SLC22A23: variants seen among roughly 807,000 people sequenced by gnomAD.
The protein encoded by SLC22A23 is ion transporter protein.
In SLC22A23, 26 loss-of-function variants were observed where a neutral mutation model predicts 61.0. The observed-to-expected ratio is 0.43, with a 90% CI of 0.31 to 0.59. SLC22A23 has a LOEUF of 0.59. SLC22A23 is among the 20% of genes least tolerant of loss of function. The pLI is 0.11. For synonymous variants in SLC22A23, 430 were observed against 413.9 expected (o/e 1.04, Z -0.47); for missense variants, 796 against 934.7 (o/e 0.85, Z 1.94).
At chr6:3,370,049 G>T (rs928663391) in intron 3 of SLC22A23, among the ~76,000 whole-genome samples, 1 of 152,166 alleles carries the variant, frequency 6.6e-6, no homozygotes, top group Non-Finnish European at 1.5e-5. Context: ...AATTTTATCA[G>T]GATGACTATA....
chr6:3,385,168 G>A (rs1310979429), intron 3 of SLC22A23, among the ~76,000 whole-genome samples: 1 of 152,138 alleles, frequency 6.6e-6, no homozygotes, highest in East Asian at 1.9e-4. Context: ...ATGGTGGTGA[G>A]GGGTGCCCTA....
chr6:3,290,342 T>G (rs979982709), intron 5 of SLC22A23: 7 of 219,580 alleles, frequency 3.2e-5, no homozygotes, highest in East Asian at 2.5e-4. Flanking sequence ...CAGATATGCT[T>G]CTTAGCCTTG....
At chr6:3,373,005 C>T (rs759114411) in intron 3 of SLC22A23, among the ~76,000 whole-genome samples, 3 of 152,162 alleles carry the variant, frequency 2.0e-5, no homozygotes, top group Admixed American at 6.5e-5. Context: ...GGCCTGCCTG[C>T]GAGGCTGGTT....
intron 3 of SLC22A23, among the ~76,000 whole-genome samples, chr6:3,397,361 G>C (rs1388865890): frequency 6.6e-6 from 1 of 152,190 alleles, no homozygotes; most frequent in Admixed American, 6.5e-5. Context: ...GTCACCTATG[G>C]AGAGTCACAT....
At chr6:3,284,472 G>A (rs761229918) in intron 8 of SLC22A23, among the ~76,000 whole-genome samples, 1 of 152,194 alleles carries the variant, frequency 6.6e-6, no homozygotes, top group Admixed American at 6.5e-5. Context: ...GACCGACCTC[G>A]CGCCAGGACA....
chr6:3,431,470 G>A (rs1770858875), intron 1 of SLC22A23, among the ~76,000 whole-genome samples: 1 of 152,158 alleles, frequency 6.6e-6, no homozygotes, highest in Admixed American at 6.5e-5. Flanking sequence ...TCTATGGGTG[G>A]GCATGAAGTT....
intron 3 of SLC22A23, among the ~76,000 whole-genome samples, chr6:3,370,357 G>T (rs916540002): frequency 6.6e-6 from 1 of 152,392 alleles, no homozygotes; most frequent in South Asian, 2.1e-4. Flanking sequence ...CCGGGGCAGT[G>T]GGGGTGCATG....
In SLC22A23 at chr6:3,329,023, G is replaced by A. The variant is rs1763435654; in HGVS notation, c.914-5021C>T. Among the ~76,000 whole-genome samples, 1 of 152,120 alleles carries A rather than the reference G, an allele frequency of 6.6e-6. No individual in the cohort carries two copies. The highest frequency in any genetic ancestry group is 1.5e-5 in the Non-Finnish European group (1 of 68,024). On this transcript the variant is annotated intron_variant, in intron 3 of 9. Transcript: ENST00000406686. This position sits in a 1 kb window ranked among gnomAD's most constrained non-coding sequence, Gnocchi z 4.8. Reference sequence around the variant, plus strand: ...AGGGACCGTCTGTCAAAACACTGCAGCACCCAGGGAGGAGCCCCAGGGAGC... The same window carrying A: ...AGGGACCGTCTGTCAAAACACTGCAACACCCAGGGAGGAGCCCCAGGGAGC...
rs867353760 is a variant in SLC22A23 at position 3,388,859 on chromosome 6, G to A, written c.913+21329C>T. Among the ~76,000 whole-genome samples, 22 of 152,140 alleles carry A rather than the reference G, an allele frequency of 1.4e-4. 1 individual carries two copies. The highest frequency in any genetic ancestry group is 1.2e-3 in the South Asian group (6 of 4,832). On this transcript the variant is annotated intron_variant, in intron 3 of 9. Transcript: ENST00000406686. ...TGATGCTACTTATAAGGTACCTAGC[G>A]TTGTCAAATTCAAAGAGACAGACAG... is the stretch of plus-strand genomic sequence containing the variant.
chr6:3,344,409 C>T (rs1009857031), intron 3 of SLC22A23, among the ~76,000 whole-genome samples: 1 of 152,200 alleles, frequency 6.6e-6, no homozygotes, highest in Non-Finnish European at 1.5e-5. Context: ...CCCCTCTTTC[C>T]TTCCCCTTTT....
intron 5 of SLC22A23, among the ~76,000 whole-genome samples, chr6:3,292,865 G>A (rs552347749): frequency 1.3e-5 from 2 of 152,070 alleles, no homozygotes; most frequent in Non-Finnish European, 2.9e-5. Flanking sequence ...CGGGGAGCAC[G>A]TGTCTTCCCG....
chr6:3,290,262 T>TG, intron 5 of SLC22A23: 2 of 309,252 alleles, frequency 6.5e-6, no homozygotes, highest in South Asian at 5.8e-5. Flanking sequence ...AATCTAAACA[T>TG]GCAGTTCTTT....
chr6:3,284,310 A>T lies in SLC22A23; in HGVS notation c.1580-335T>A, dbSNP rs74827432. ...CAGCGACATCCCTCTGCCCTGGCCT[A>T]TGTTTGCTCCAGTCAGGTCTGATGT... On this transcript the variant is annotated intron_variant, in intron 8 of 9. Coordinates refer to ENST00000406686, the MANE Select transcript of SLC22A23 (RefSeq NM_015482.2). Among the ~76,000 whole-genome samples, 415 of 152,012 alleles carry T rather than the reference A, an allele frequency of 2.7e-3. 20 individuals are homozygous for T. The East Asian group carries it at 0.075, about 27-fold the overall frequency.
chr6:3,438,280 C>G (rs1217381313), intron 1 of SLC22A23, among the ~76,000 whole-genome samples: 1 of 152,240 alleles, frequency 6.6e-6, no homozygotes, highest in Non-Finnish European at 1.5e-5. Context: ...GAAGGGGTCA[C>G]TCTGGATACC....
At chr6:3,293,435 G>GGGCCACTC (rs1029901973) in intron 5 of SLC22A23, among the ~76,000 whole-genome samples, 1 of 152,238 alleles carries the variant, frequency 6.6e-6, no homozygotes, top group Non-Finnish European at 1.5e-5. Flanking sequence ...ATTTAGAATG[G>GGGCCACTC]GGCCACTCGG....
At chr6:3,287,520 G>A (rs1042805849) in intron 6 of SLC22A23, among the ~76,000 whole-genome samples, 7 of 152,278 alleles carry the variant, frequency 4.6e-5, no homozygotes, top group Admixed American at 1.3e-4. Flanking sequence ...GGCTCTCGGC[G>A]GGTAAGCGGC....
At chr6:3,453,641 A>ATATT (rs1772256077) in intron 1 of SLC22A23, among the ~76,000 whole-genome samples, 1 of 152,172 alleles carries the variant, frequency 6.6e-6, no homozygotes, top group South Asian at 2.1e-4. Flanking sequence ...AATGGTGCAT[A>ATATT]TATTGTAGGG....
intron 3 of SLC22A23, among the ~76,000 whole-genome samples, chr6:3,409,292 A>G (rs1769047499): frequency 6.6e-6 from 1 of 152,238 alleles, no homozygotes; most frequent in South Asian, 2.1e-4. Context: ...TTCCTGTGAC[A>G]ATAAAACTAT....
intron 4 of SLC22A23, among the ~76,000 whole-genome samples, chr6:3,300,114 G>A (rs1761486941): frequency 1.4e-5 from 2 of 145,548 alleles, no homozygotes; most frequent in South Asian, 2.2e-4. Flanking sequence ...GGGTTCAAGC[G>A]ATTCTCCTGC....
Sources: gnomAD v4.1 joint callset for allele counts (sites outside exome capture counted in the v4.1 genomes callset) on GRCh38, gnomAD v4.1.1 for gene constraint, Gnocchi (gnomAD v3.1) non-coding constraint, MANE v1.5 for transcripts, NCBI Gene and HGNC (gene_info 2026-07-23, HGNC 2026-07-21) for gene names.